Variants in DEPTOR observed in about 807,000 individuals in gnomAD.
DEPTOR encodes DEP domain-containing mTOR-interacting protein.
A neutral mutation model predicts 41.6 loss-of-function variants in DEPTOR; 41 were observed. That is an observed-to-expected ratio of 0.98 (90% confidence interval 0.77 to 1.28). The LOEUF is 1.28. DEPTOR is among the 50% of genes most tolerant of loss of function. DEPTOR has a pLI of 0.00. For missense variants in DEPTOR, 514 were observed against 527.9 expected (o/e 0.97, Z 0.26); for synonymous variants, 195 against 192.3 (o/e 1.01, Z -0.12).
At chr8:119,920,037 A>G (rs1267662803) in intron 1 of DEPTOR, among the ~76,000 whole-genome samples, 2 of 152,196 alleles carry the variant, frequency 1.3e-5, no homozygotes, top group Non-Finnish European at 2.9e-5. Context: ...AGAACATTAC[A>G]GAATCACCTT....
intron 4 of DEPTOR, among the ~76,000 whole-genome samples, chr8:119,997,761 T>C (rs1358949492): frequency 6.6e-6 from 1 of 152,204 alleles, no homozygotes; most frequent in Non-Finnish European, 1.5e-5. Flanking sequence ...CATATGTAGA[T>C]AATAAATATA....
At chr8:120,018,169 A>G (rs1288607222) in intron 8 of DEPTOR, among the ~76,000 whole-genome samples, 2 of 152,250 alleles carry the variant, frequency 1.3e-5, no homozygotes, top group Non-Finnish European at 2.9e-5. Flanking sequence ...AATTTGGCTA[A>G]GATAATTTGG....
At chr8:119,994,416 G>A (rs745997890) in intron 4 of DEPTOR, among the ~76,000 whole-genome samples, 12 of 152,128 alleles carry the variant, frequency 7.9e-5, no homozygotes, top group East Asian at 5.8e-4. Context: ...CTATAAAAAC[G>A]ATCTTTGACT....
At chr8:120,036,227 C>T (rs1812977580) in intron 8 of DEPTOR, among the ~76,000 whole-genome samples, 1 of 152,186 alleles carries the variant, frequency 6.6e-6, no homozygotes, top group Non-Finnish European at 1.5e-5. Flanking sequence ...GACCAGCAGG[C>T]ATTACAAACT....
chr8:120,002,791 A>AAAATATATATAT lies in DEPTOR; in HGVS notation c.791-185_791-184insAATATATATATA. ...GACTCCATCTCAAAAAAAAAAAAAA[A>AAAATATATATAT]ATATATATATATATATATATAATAT... On this transcript the variant is annotated intron_variant, in intron 5 of 8. Transcript: ENST00000286234. Among the ~76,000 whole-genome samples the AAAATATATATAT allele has an allele frequency of 2.9e-3, 176 of 60,632 alleles. 4 individuals are homozygous for AAAATATATATAT. The highest frequency in any genetic ancestry group is 0.01 in the African/African-American group (137 of 13,182). The allele number at this position is 60,632 out of a possible 152,430, so 39.8% of individuals were successfully genotyped here.
chr8:119,950,967 G>A (rs1368258142), intron 3 of DEPTOR, among the ~76,000 whole-genome samples: 1 of 152,030 alleles, frequency 6.6e-6, no homozygotes, highest in African/African-American at 2.4e-5. Flanking sequence ...CAGCACTTTG[G>A]GAGGCCAAGG....
intron 1 of DEPTOR, among the ~76,000 whole-genome samples, chr8:119,922,295 A>G (rs1827908439): frequency 6.6e-6 from 1 of 152,142 alleles, no homozygotes; most frequent in Admixed American, 6.6e-5. Flanking sequence ...GAAAGTTTAC[A>G]GGAGCTAAAA....
chr8:120,013,457 G>T (rs956274821), intron 8 of DEPTOR, among the ~76,000 whole-genome samples: 1 of 152,076 alleles, frequency 6.6e-6, no homozygotes, highest in Non-Finnish European at 1.5e-5. Flanking sequence ...TAATCTATTC[G>T]TAAAGGCTTG....
At chr8:119,899,919 T>G (rs904574835) in intron 1 of DEPTOR, among the ~76,000 whole-genome samples, 4 of 152,210 alleles carry the variant, frequency 2.6e-5, no homozygotes, top group Admixed American at 6.5e-5. Flanking sequence ...AAAGTTCCTC[T>G]TTGCTTAAAT....
chr8:119,988,172 G>A (rs973374217), intron 4 of DEPTOR, among the ~76,000 whole-genome samples: 1 of 152,180 alleles, frequency 6.6e-6, no homozygotes, highest in African/African-American at 2.4e-5. Context: ...TGGTCTGCGG[G>A]TTGTGAAGAC....
At chr8:119,950,735 C>T (rs568280030) in intron 3 of DEPTOR, among the ~76,000 whole-genome samples, 2 of 152,276 alleles carry the variant, frequency 1.3e-5, no homozygotes, top group South Asian at 2.1e-4. Flanking sequence ...GCTGGGATTA[C>T]AGGCGTGCAC....
chr8:119,923,893 C>CTTTTTTTTTTTTTTTTTGGTT (rs769960283), intron 1 of DEPTOR, among the ~76,000 whole-genome samples: 1 of 104,980 alleles, frequency 9.5e-6, no homozygotes, highest in Non-Finnish European at 2.2e-5. Flanking sequence ...TTTTTTCTTT[C>CTTTTTTTTTTTTTTTTTGGTT]TTTTTTTTTT....
rs753049293 is a variant in DEPTOR, at chr8:120,020,024, C to T, written c.1101+10891C>T. On this transcript the variant is annotated intron_variant, in intron 8 of 8. Transcript: ENST00000286234. ...CCAGCACTGCATGTTCCCCACTTTC[C>T]GAAATCTCCAGAAGCATCTCTGACT... Among the ~76,000 whole-genome samples the T allele has an allele frequency of 3.3e-5, 5 of 152,110 alleles. 1 individual carries two copies. The highest frequency in any genetic ancestry group is 7.4e-5 in the Non-Finnish European group (5 of 68,014).
chr8:119,935,359 A>C (rs1387947942), intron 3 of DEPTOR, among the ~76,000 whole-genome samples: 1 of 152,230 alleles, frequency 6.6e-6, no homozygotes, highest in Non-Finnish European at 1.5e-5. Flanking sequence ...CGCGGCCTTA[A>C]GATGGTAGAA....
At chr8:120,020,089 T>G (rs973482879) in intron 8 of DEPTOR, among the ~76,000 whole-genome samples, 2 of 152,050 alleles carry the variant, frequency 1.3e-5, no homozygotes, top group Non-Finnish European at 2.9e-5. Context: ...GTTTGTTTTT[T>G]CTTGTTTGTT....
chr8:120,019,172 G>A (rs1042081599), intron 8 of DEPTOR, among the ~76,000 whole-genome samples: 10 of 152,046 alleles, frequency 6.6e-5, no homozygotes, highest in South Asian at 4.2e-4. Context: ...TGGCATGGTG[G>A]CCCATGCCTG....
chr8:120,014,042 T>A (rs6997067), intron 8 of DEPTOR, among the ~76,000 whole-genome samples: 58,603 of 151,868 alleles, frequency 0.39, 11,769 homozygotes, highest in East Asian at 0.59. Context: ...TTTCACCATG[T>A]TGGCTAGGCT....
intron 1 of DEPTOR, among the ~76,000 whole-genome samples, chr8:119,918,678 C>T (rs1264125324): frequency 6.6e-6 from 1 of 152,136 alleles, no homozygotes; most frequent in African/African-American, 2.4e-5. Flanking sequence ...CCAGGATGGT[C>T]TTGATCTCTT....
At chr8:119,886,492 G>T (rs201088344) in intron 1 of DEPTOR, among the ~76,000 whole-genome samples, 42 of 100,912 alleles carry the variant, frequency 4.2e-4, no homozygotes, top group Non-Finnish European at 7.4e-4. Flanking sequence ...TACACACACA[G>T]ACACACACAT....
Sources: allele counts gnomAD v4.1 joint callset (sites outside exome capture counted in the v4.1 genomes callset), GRCh38; gene constraint gnomAD v4.1.1; transcripts MANE v1.5; gene names NCBI Gene and HGNC (gene_info 2026-07-23, HGNC 2026-07-21).